Variants in ASCC3 observed in about 807,000 individuals in gnomAD.
ASCC3 encodes the protein activating signal cointegrator 1 complex subunit 3, also known as ASC-1 complex subunit P200.
Under a neutral mutation model 256.3 loss-of-function variants are expected in ASCC3, and 158 were observed. The observed-to-expected ratio is 0.62, with a 90% CI of 0.54 to 0.70. The LOEUF (loss-of-function observed/expected upper bound fraction) is 0.70. Among genes scored for constraint, ASCC3 ranks in the 30% least tolerant of loss-of-function variants. The pLI, the probability that ASCC3 is intolerant of heterozygous loss-of-function variation, is 0.00. For synonymous variants in ASCC3, 948 were observed against 883.4 expected (o/e 1.07, Z -1.30); for missense variants, 2,259 against 2,626.0 (o/e 0.86, Z 3.05).
intron 13 of ASCC3, among the ~76,000 whole-genome samples, chr6:100,693,628 AT>A (rs1777940844): frequency 6.6e-6 from 1 of 152,148 alleles, no homozygotes; most frequent in South Asian, 2.1e-4. Context: ...AAAACTGCTG[AT>A]TTGCTTGGTC....
intron 20 of ASCC3, among the ~76,000 whole-genome samples, chr6:100,649,382 ATTACT>A (rs1193179912): frequency 2.0e-5 from 3 of 151,718 alleles, no homozygotes; most frequent in Non-Finnish European, 3.0e-5. Context: ...ACAATATTAC[ATTACT>A]TTACAGAAAA....
At chr6:100,671,772 T>G (rs1466183024) in intron 14 of ASCC3, among the ~76,000 whole-genome samples, 2 of 152,068 alleles carry the variant, frequency 1.3e-5, no homozygotes, top group Admixed American at 1.3e-4. Context: ...ACAATGTCAA[T>G]GCTTTTAAAA....
At chr6:100,755,476 C>G (rs145214601) in intron 10 of ASCC3, among the ~76,000 whole-genome samples, 7 of 152,030 alleles carry the variant, frequency 4.6e-5, no homozygotes, top group Non-Finnish European at 7.4e-5. Context: ...AAGTGATCCT[C>G]CCACCTCAGC....
chr6:100,800,597 AT>A, intron 5 of ASCC3, 93 bp from the exon 6 acceptor site: 1 of 950,972 alleles, frequency 1.1e-6, no homozygotes, highest in Non-Finnish European at 1.6e-6. Context: ...CCCACAACAT[AT>A]AATGCTCTTA....
At chr6:100,642,260 G>A (rs1775160849) in intron 24 of ASCC3, among the ~76,000 whole-genome samples, 1 of 151,752 alleles carries the variant, frequency 6.6e-6, no homozygotes, top group African/African-American at 2.4e-5. Context: ...ACCATAATAT[G>A]ATTCCTTAAT....
chr6:100,510,008 C>T lies in ASCC3; in HGVS notation c.6385G>A (p.Ala2129Thr). Residue 2129 changes from alanine to threonine, a missense_variant, in exon 41 of 42, where the codon GCT (alanine) becomes ACT (threonine). Around this residue, in one of 2 missense-constraint regions of ASCC3, gnomAD observed 1,839 missense variants for 2,206.7 expected, o/e 0.83. Coordinates refer to ENST00000369162, the MANE Select transcript of ASCC3 (RefSeq NM_006828.4). Reference protein sequence around the residue: ...LGEVDKRELIALKRVGYIRNH... With the variant: ...LGEVDKRELITLKRVGYIRNH... ...CGAATATATCCTACTCTTTTCAAAG[C>T]AATAAGTTCTCTCTTATCCACTTCT... 6.2e-7 allele frequency: 1 copy of T among 1,613,994 alleles called. No individual in the cohort carries two copies. Among genetic ancestry groups the T allele is most frequent in the Non-Finnish European group, 8.5e-7 (1 of 1,179,944 alleles).
At chr6:100,727,103 A>C (rs774517291) in intron 10 of ASCC3, among the ~76,000 whole-genome samples, 1 of 152,122 alleles carries the variant, frequency 6.6e-6, no homozygotes, top group Non-Finnish European at 1.5e-5. Flanking sequence ...TGTATATAGT[A>C]AAATTACACT....
intron 37 of ASCC3, among the ~76,000 whole-genome samples, chr6:100,535,103 GT>G (rs1486063101): frequency 1.3e-5 from 2 of 152,174 alleles, no homozygotes; most frequent in African/African-American, 4.8e-5. Context: ...CAGAGGTTAA[GT>G]GACTTGCCTA....
intron 4 of ASCC3, among the ~76,000 whole-genome samples, chr6:100,823,251 T>C (rs1251016543): frequency 1.3e-5 from 2 of 152,186 alleles, no homozygotes; most frequent in African/African-American, 4.8e-5. Context: ...AATTTGGCAG[T>C]CAGAGTGACT....
intron 8 of ASCC3, among the ~76,000 whole-genome samples, chr6:100,794,253 T>C (rs530208399): frequency 8.5e-5 from 13 of 152,248 alleles, no homozygotes; most frequent in Admixed American, 3.9e-4. Flanking sequence ...AGTGTAAACC[T>C]CTTAGCATGG....
intron 34 of ASCC3, among the ~76,000 whole-genome samples, chr6:100,597,960 C>A (rs937525298): frequency 1.2e-4 from 15 of 127,048 alleles, no homozygotes; most frequent in Admixed American, 5.6e-4. Flanking sequence ...GGCGACAGAG[C>A]GAGACTCCGT....
intron 37 of ASCC3, among the ~76,000 whole-genome samples, chr6:100,525,553 A>G (rs1272903307): frequency 1.3e-5 from 2 of 152,114 alleles, no homozygotes; most frequent in East Asian, 1.9e-4. Flanking sequence ...TCAAAATGTT[A>G]TATGTACCCT....
intron 25 of ASCC3, among the ~76,000 whole-genome samples, chr6:100,633,486 GA>G (rs1329077057): frequency 6.6e-6 from 1 of 150,624 alleles, no homozygotes; most frequent in Non-Finnish European, 1.5e-5. Context: ...CTTAATAAAA[GA>G]AAAAAAAATC....
chr6:100,667,668 G>A (rs1776550716), intron 14 of ASCC3, among the ~76,000 whole-genome samples: 1 of 152,048 alleles, frequency 6.6e-6, no homozygotes, highest in African/African-American at 2.4e-5. Flanking sequence ...AAAAGAAAAG[G>A]AGTTAGAATT....
rs144719174 is a variant in ASCC3, at chr6:100,775,008, T to C, written c.1396-7663A>G. Among the ~76,000 whole-genome samples, 96 of 152,136 alleles carry C rather than the reference T, an allele frequency of 6.3e-4. 1 individual carries two copies. In the East Asian group the frequency reaches 0.015, roughly 25 times the overall value. ...AGCAAAGATGATGAAGATGGAAAAGTAGGCCAAGAGCAGACTACAAAAAAT... is the reference window on the plus strand; with the variant it reads ...AGCAAAGATGATGAAGATGGAAAAGCAGGCCAAGAGCAGACTACAAAAAAT... On this transcript the variant is annotated intron_variant, in intron 8 of 41. Coordinates refer to ENST00000369162, the MANE Select transcript of ASCC3 (RefSeq NM_006828.4).
At chr6:100,823,916 A>G (rs1037554412) in intron 4 of ASCC3, among the ~76,000 whole-genome samples, 2 of 152,218 alleles carry the variant, frequency 1.3e-5, no homozygotes, top group African/African-American at 2.4e-5. Context: ...TAAATTCCCA[A>G]TACAATATCA....
chr6:100,585,557 T>C (rs1266590038), intron 36 of ASCC3, among the ~76,000 whole-genome samples: 1 of 152,232 alleles, frequency 6.6e-6, no homozygotes, highest in Non-Finnish European at 1.5e-5. Context: ...AGTTTGATCG[T>C]CTGAAGACTT....
chr6:100,518,299 T>C (rs760656462), intron 37 of ASCC3, among the ~76,000 whole-genome samples, 157 bp from the exon 38 acceptor site: 4 of 152,070 alleles, frequency 2.6e-5, no homozygotes, highest in Non-Finnish European at 4.4e-5. Flanking sequence ...TAAATCACAG[T>C]TGGATTGCAG....
intron 10 of ASCC3, among the ~76,000 whole-genome samples, chr6:100,757,469 A>T (rs1781233713): frequency 6.6e-6 from 1 of 152,144 alleles, no homozygotes; most frequent in African/African-American, 2.4e-5. Flanking sequence ...CTTAAGACTT[A>T]AATCTAAAAA....
Sources: gnomAD v4.1 joint callset for allele counts (sites outside exome capture counted in the v4.1 genomes callset) on GRCh38, gnomAD v4.1.1 for gene constraint, gnomAD v4.1.1 regional missense constraint, MANE v1.5 for transcripts, NCBI Gene and HGNC (gene_info 2026-07-23, HGNC 2026-07-21) for gene names.